PTPN11: variants seen among roughly 807,000 people sequenced by gnomAD.
PTPN11 encodes protein tyrosine phosphatase non-receptor type 11, also known as tyrosine-protein phosphatase non-receptor type 11.
A neutral mutation model predicts 78.8 loss-of-function variants in PTPN11; 6 were observed. That is an observed-to-expected ratio of 0.08 (90% CI 0.04 to 0.15). The LOEUF (loss-of-function observed/expected upper bound fraction) is 0.15. PTPN11 is among the 10% of genes least tolerant of loss of function. The pLI, the probability that PTPN11 is intolerant of heterozygous loss-of-function variation, is 1.00. For synonymous variants in PTPN11, 221 were observed against 263.5 expected (o/e 0.84, Z 1.56); for missense variants, 386 against 744.8 (o/e 0.52, Z 5.61).
intron 6 of PTPN11, among the ~76,000 whole-genome samples, chr12:112,471,454 AAGAG>A (rs56070053): frequency 0.026 from 3,222 of 126,310 alleles, 74 homozygotes; most frequent in African/African-American, 0.056. Context: ...GATAAACAGA[AAGAG>A]AGAGAGAGAG....
chr12:112,430,018 C>T (rs1256197779), intron 1 of PTPN11, among the ~76,000 whole-genome samples: 2 of 152,002 alleles, frequency 1.3e-5, no homozygotes, highest in Non-Finnish European at 2.9e-5. Context: ...CAACATATCA[C>T]ATTTTTCTTT....
intron 6 of PTPN11, among the ~76,000 whole-genome samples, chr12:112,471,495 T>A (rs2038417449): frequency 7.0e-6 from 1 of 142,500 alleles, no homozygotes; most frequent in Non-Finnish European, 1.5e-5. Flanking sequence ...AGAGAGACCC[T>A]GTCTTATTTA....
In PTPN11 at chr12:112,482,291, T is replaced by G; in HGVS notation, c.1224+86T>G. The G allele has an allele frequency of 1.4e-6, 2 of 1,444,520 alleles. No individual in the cohort carries two copies. The highest frequency in any genetic ancestry group is 4.6e-5 in the East Asian group (2 of 43,504). 89.5% of individuals were successfully genotyped at this position (1,444,520 alleles called of 1,614,324 possible). On this transcript the variant is annotated intron_variant, in intron 10 of 15. Transcript: ENST00000351677. The surrounding 1 kb of genome is among the most constrained non-coding windows in gnomAD (Gnocchi z 4.4). ...GGTCTTGCCGTTACTCATGTTTGCA[T>G]ACATGCATGCATTCGCTCACTCATT...
At chr12:112,439,578 C>T (rs1318574644) in intron 1 of PTPN11, among the ~76,000 whole-genome samples, 2 of 152,042 alleles carry the variant, frequency 1.3e-5, no homozygotes, top group African/African-American at 2.4e-5. Context: ...AGGTGATTCT[C>T]CTGCCTCAGC....
intron 6 of PTPN11, among the ~76,000 whole-genome samples, chr12:112,466,651 C>T (rs575368470): frequency 2.0e-5 from 3 of 152,040 alleles, no homozygotes; most frequent in South Asian, 2.1e-4. Context: ...GGCCCCCAGC[C>T]GTATCTTTGT....
chr12:112,446,525 C>CA, intron 2 of PTPN11, 127 bp downstream of exon 2: 11 of 1,411,768 alleles, frequency 7.8e-6, no homozygotes, highest in Non-Finnish European at 8.9e-6. Flanking sequence ...GGGCTGCCTT[C>CA]AGGGTTTGGG....
At chr12:112,490,157 G>A (rs1346513313) in intron 13 of PTPN11, among the ~76,000 whole-genome samples, 1 of 152,062 alleles carries the variant, frequency 6.6e-6, no homozygotes, top group Non-Finnish European at 1.5e-5. Flanking sequence ...ATATTTAGAC[G>A]GTTACTTTAT....
chr12:112,503,812 C>A (rs2038904777), intron 14 of PTPN11, among the ~76,000 whole-genome samples: 1 of 152,094 alleles, frequency 6.6e-6, no homozygotes, highest in Admixed American at 6.6e-5. Flanking sequence ...GTCCTGGAGC[C>A]CCTCTCAGCC....
At chr12:112,476,338 G>A (rs2038502263) in intron 7 of PTPN11, among the ~76,000 whole-genome samples, 1 of 152,168 alleles carries the variant, frequency 6.6e-6, no homozygotes, top group South Asian at 2.1e-4. Context: ...ACACATGGCT[G>A]TCTTACTAAT....
chr12:112,448,932 G>C (rs771176893), intron 2 of PTPN11, among the ~76,000 whole-genome samples: 1 of 151,644 alleles, frequency 6.6e-6, no homozygotes, highest in Non-Finnish European at 1.5e-5. Flanking sequence ...TGTTGCCCAG[G>C]CTGGAGTGCA....
At chr12:112,446,190 C>T in intron 1 of PTPN11, 86 bp from the exon 2 acceptor site, 2 of 1,553,130 alleles carry the variant, frequency 1.3e-6, no homozygotes, top group Non-Finnish European at 1.8e-6. Context: ...CTACTCTGCT[C>T]ATAATGCGTC....
chr12:112,491,949 CT>C, intron 13 of PTPN11, among the ~76,000 whole-genome samples: 1 of 152,228 alleles, frequency 6.6e-6, no homozygotes, highest in African/African-American at 2.4e-5. Flanking sequence ...TCAAGTGACC[CT>C]CCCGCCTTGG....
intron 4 of PTPN11, 104 bp from the exon 5 acceptor site, chr12:112,454,460 T>C: frequency 1.2e-6 from 1 of 866,754 alleles, no homozygotes. Flanking sequence ...TGTCTCTATA[T>C]ACTAGCTATT....
chr12:112,462,929 A>AT (rs2038270504), intron 6 of PTPN11, among the ~76,000 whole-genome samples: 1 of 152,146 alleles, frequency 6.6e-6, no homozygotes, highest in Non-Finnish European at 1.5e-5. Flanking sequence ...TAATATTAAC[A>AT]TTTTTTATGT....
chr12:112,504,664 G>A lies in PTPN11; in HGVS notation c.1713-31G>A. 4 of 1,493,790 alleles carry A rather than the reference G, an allele frequency of 2.7e-6. No individual in the cohort carries two copies. The highest frequency in any genetic ancestry group is 3.7e-6 in the Non-Finnish European group (4 of 1,075,020). The allele number at this position is 1,493,790 out of a possible 1,614,324, so 92.5% of individuals were successfully genotyped here. A position where few individuals can be genotyped will look rare whatever the true frequency, so the allele number is the denominator to read the frequency against. ...CTTAAACAGCGTGGTCTACATTTTT[G>A]TAAATGTCTTTCTTTTTCTTTTCTC... On this transcript the variant is annotated intron_variant, in intron 14 of 15. Coordinates refer to ENST00000351677, the MANE Select transcript of PTPN11 (RefSeq NM_002834.5). The surrounding 1 kb of genome is among the most constrained non-coding windows in gnomAD (Gnocchi z 4.7).
intron 3 of PTPN11, among the ~76,000 whole-genome samples, chr12:112,452,533 AT>A (rs1375529458): frequency 2.1e-5 from 3 of 145,082 alleles, no homozygotes; most frequent in African/African-American, 7.7e-5. Context: ...GCCGACTTTT[AT>A]TTTTTTTTCT....
intron 1 of PTPN11, among the ~76,000 whole-genome samples, chr12:112,425,129 C>T (rs557238223): frequency 3.3e-5 from 5 of 151,970 alleles, no homozygotes; most frequent in African/African-American, 1.2e-4. Flanking sequence ...CTGGAGATTA[C>T]AGACGTGAGC....
In PTPN11 at chr12:112,506,880, G is replaced by C. The variant is rs1297874567; in HGVS notation, c.*1088G>C. Reference sequence around the variant, plus strand: ...CAGAGCTCCCAAGAGCTCAAAAGCAGAAATGGCCAGGCCTTCTGAAAACTT... The same window carrying C: ...CAGAGCTCCCAAGAGCTCAAAAGCACAAATGGCCAGGCCTTCTGAAAACTT... On this transcript the variant is annotated 3_prime_UTR_variant, in exon 16 of 16. Transcript: ENST00000351677. 1 of 182,020 alleles carries C rather than the reference G, an allele frequency of 5.5e-6. No homozygotes were observed. The highest frequency in any genetic ancestry group is 1.2e-5 in the Non-Finnish European group (1 of 86,042). 11.3% of individuals were successfully genotyped at this position (182,020 alleles called of 1,614,324 possible). A position where few individuals can be genotyped will look rare whatever the true frequency, so the allele number is the denominator to read the frequency against.
intron 6 of PTPN11, among the ~76,000 whole-genome samples, chr12:112,458,859 C>T (rs1424113203): frequency 1.3e-5 from 2 of 151,996 alleles, no homozygotes; most frequent in Admixed American, 1.3e-4. Flanking sequence ...ATGGTAAAAC[C>T]CCGTCTCTAC....
Sources: gnomAD v4.1 joint callset for allele counts (sites outside exome capture counted in the v4.1 genomes callset) on GRCh38, gnomAD v4.1.1 for gene constraint, Gnocchi (gnomAD v3.1) non-coding constraint, MANE v1.5 for transcripts, NCBI Gene and HGNC (gene_info 2026-07-23, HGNC 2026-07-21) for gene names.